SLC27A2: variants seen among roughly 807,000 people sequenced by gnomAD.
SLC27A2 encodes the protein long-chain fatty acid transport protein 2.
Under a neutral mutation model 60.0 loss-of-function variants are expected in SLC27A2, and 54 were observed. That is an observed-to-expected ratio of 0.90 (90% CI 0.72 to 1.13). The LOEUF (loss-of-function observed/expected upper bound fraction) is 1.13, where lower values mean the gene tolerates loss of function less well. Ranked by LOEUF, SLC27A2 falls within the 50% of genes most tolerant of loss-of-function variation. The pLI is 0.00. For synonymous variants in SLC27A2, 297 were observed against 297.6 expected, an observed-to-expected ratio of 1.00 and a Z score of 0.02; for missense variants, 739 against 777.6, an observed-to-expected ratio of 0.95 and a Z score of 0.59.
At position 50,202,649 on chromosome 15, in the gene SLC27A2, A is replaced by AGC; in HGVS notation, c.847+5_847+6dup. The AGC allele has an allele frequency of 6.2e-7, 1 of 1,610,928 alleles. No individual in the cohort carries two copies. The highest frequency in any genetic ancestry group is 8.5e-7 in the Non-Finnish European group (1 of 1,177,278). ...ATTCACGGATGTATTGTGGCTGGTA[A>AGC]GCTTTTTCTACAAAATGTTGGAGGC... On this transcript the variant is annotated splice_donor_region_variant and intron_variant, in intron 3 of 9. Transcript: ENST00000267842.
chr15:50,222,831 A>G (rs566548453), intron 4 of SLC27A2, 134 bp from the exon 5 acceptor site: 1 of 718,260 alleles, frequency 1.4e-6, no homozygotes, highest in South Asian at 2.4e-5. Context: ...AGGGGCATTT[A>G]TAACCAACAT....
intron 4 of SLC27A2, among the ~76,000 whole-genome samples, chr15:50,215,291 A>T (rs1257226607): frequency 6.6e-6 from 1 of 152,174 alleles, no homozygotes; most frequent in East Asian, 1.9e-4. Context: ...AAAACTACAA[A>T]ATGCTGCTGA....
At chr15:50,186,118 C>T (rs952487143) in intron 1 of SLC27A2, among the ~76,000 whole-genome samples, 37 of 151,948 alleles carry the variant, frequency 2.4e-4, no homozygotes, top group Non-Finnish European at 5.1e-4. Flanking sequence ...ATGGTGAGCA[C>T]CTGTGGTCCC....
At chr15:50,221,114 G>C (rs1247875423) in intron 4 of SLC27A2, among the ~76,000 whole-genome samples, 1 of 152,074 alleles carries the variant, frequency 6.6e-6, no homozygotes, top group Non-Finnish European at 1.5e-5. Context: ...GCTGAGGCAG[G>C]AGGATCGCTT....
intron 4 of SLC27A2, among the ~76,000 whole-genome samples, chr15:50,216,887 A>G (rs1235986729): frequency 6.8e-6 from 1 of 147,434 alleles, no homozygotes; most frequent in East Asian, 1.9e-4. Flanking sequence ...ATAAAAATAT[A>G]TATATTCCAA....
At chr15:50,211,965 G>T (rs1194124314) in intron 4 of SLC27A2, among the ~76,000 whole-genome samples, 1 of 151,316 alleles carries the variant, frequency 6.6e-6, no homozygotes, top group Non-Finnish European at 1.5e-5. Context: ...CAGCTACTCG[G>T]GAGGCTGAGG....
rs770389917 is a variant in SLC27A2, at chr15:50,202,653, T to G, written c.847+8T>G. On this transcript the variant is annotated splice_region_variant and intron_variant, in intron 3 of 9. Transcript: ENST00000267842. ...ACGGATGTATTGTGGCTGGTAAGCT[T>G]TTTCTACAAAATGTTGGAGGCGAGT... is the stretch of plus-strand genomic sequence containing the variant. 2 of 1,610,520 alleles carry G rather than the reference T, an allele frequency of 1.2e-6. No individual in the cohort carries two copies. The highest frequency in any genetic ancestry group is 8.5e-7 in the Non-Finnish European group (1 of 1,176,972).
intron 6 of SLC27A2, among the ~76,000 whole-genome samples, chr15:50,226,568 C>A (rs1376132821): frequency 6.6e-6 from 1 of 152,084 alleles, no homozygotes; most frequent in African/African-American, 2.4e-5. Context: ...CCTGTCCCTA[C>A]TGAAAATACA....
chr15:50,207,789 C>CA (rs535929329), intron 4 of SLC27A2, among the ~76,000 whole-genome samples: 6,635 of 75,348 alleles, frequency 0.088, 237 homozygotes, highest in African/African-American at 0.16. Context: ...GACCCTGTCT[C>CA]AAAAAAAAAA....
rs114702296 is a variant in SLC27A2, at chr15:50,211,574, C to G, written c.972+6211C>G. ...GCTAATATGAAAAGCCAAGGCTCATCAACATCCCCAAAAGATCACACTAGT... is the reference window on the plus strand; with the variant it reads ...GCTAATATGAAAAGCCAAGGCTCATGAACATCCCCAAAAGATCACACTAGT... On this transcript the variant is annotated intron_variant, in intron 4 of 9. Transcript: ENST00000267842. Among the ~76,000 whole-genome samples, 907 of 152,250 alleles carry G rather than the reference C, an allele frequency of 6.0e-3. 10 individuals carry two copies. The highest frequency in any genetic ancestry group is 0.021 in the African/African-American group (874 of 41,530).
At chr15:50,228,872 C>T (rs1057024950) in intron 7 of SLC27A2, 73 bp from the exon 8 acceptor site, 16 of 994,164 alleles carry the variant, frequency 1.6e-5, no homozygotes, top group Non-Finnish European at 2.4e-5. Flanking sequence ...CTAAAGGAAA[C>T]ACCAGCTCTC....
chr15:50,221,176 T>C (rs867183611), intron 4 of SLC27A2, among the ~76,000 whole-genome samples: 55 of 151,300 alleles, frequency 3.6e-4, no homozygotes, highest in African/African-American at 1.3e-3. Flanking sequence ...GCCTAGGCAA[T>C]GGAGCAAGAC....
chr15:50,215,561 A>G (rs1035392119), intron 4 of SLC27A2, among the ~76,000 whole-genome samples: 1 of 152,214 alleles, frequency 6.6e-6, no homozygotes, highest in African/African-American at 2.4e-5. Flanking sequence ...CCCACTTCAA[A>G]CTATACTATA....
At chr15:50,212,251 GA>G (rs1370069254) in intron 4 of SLC27A2, among the ~76,000 whole-genome samples, 2 of 151,966 alleles carry the variant, frequency 1.3e-5, no homozygotes, top group Non-Finnish European at 2.9e-5. Flanking sequence ...TAAAGACAAA[GA>G]AAAAATAATA....
chr15:50,205,341 G>T lies in SLC27A2; in HGVS notation c.950G>T (p.Arg317Leu), dbSNP rs554769451. The T allele has an allele frequency of 1.9e-6, 3 of 1,605,978 alleles. No homozygotes were observed. The highest frequency in any genetic ancestry group is 2.7e-5 in the African/African-American group (2 of 74,872). ...ATTCAGTATATCGGTGAACTGCTTCGGTATTTATGCAACTCACCACAGGTA... is the reference window on the plus strand; with the variant it reads ...ATTCAGTATATCGGTGAACTGCTTCTGTATTTATGCAACTCACCACAGGTA... ...TVIQYIGELL[R>L]YLCNSPQKPN... The change falls in exon 4 of 10, where the codon CGG (arginine) becomes CTG (leucine). Residue 317 changes from arginine (R) to leucine (L), a missense_variant. Coordinates refer to ENST00000267842, the MANE Select transcript of SLC27A2 (RefSeq NM_003645.4).
At chr15:50,191,802 G>A (rs2044975887) in intron 1 of SLC27A2, among the ~76,000 whole-genome samples, 1 of 152,198 alleles carries the variant, frequency 6.6e-6, no homozygotes, top group South Asian at 2.1e-4. Context: ...GCTCATGCCT[G>A]TAATCCCAAC....
chr15:50,198,049 A>G (rs548342331), intron 2 of SLC27A2, among the ~76,000 whole-genome samples: 31 of 152,250 alleles, frequency 2.0e-4, no homozygotes, highest in Non-Finnish European at 4.4e-4. Context: ...TCCAGAGTCC[A>G]TATAGACTGT....
In SLC27A2 at chr15:50,236,009, G is replaced by GTAT. The variant is rs1216129599; in HGVS notation, c.1778_1780dup (p.Tyr593dup). The GTAT allele has an allele frequency of 6.2e-7, 1 of 1,613,946 alleles. No homozygotes were observed. Among genetic ancestry groups the GTAT allele is most frequent in the East Asian group, 2.2e-5 (1 of 44,892 alleles). Reference sequence around the variant, plus strand: ...ACCCTGCTGTCATCAAAGATGCCTTGTATTTCTTGGATGACACAGCAAAAA... The same window carrying GTAT: ...ACCCTGCTGTCATCAAAGATGCCTTGTATTATTTCTTGGATGACACAGCAAAAA... On this transcript the variant is annotated inframe_insertion, in exon 10 of 10. Coordinates refer to ENST00000267842, the MANE Select transcript of SLC27A2 (RefSeq NM_003645.4).
At chr15:50,193,941 T>G (rs2044993891) in intron 1 of SLC27A2, among the ~76,000 whole-genome samples, 1 of 152,270 alleles carries the variant, frequency 6.6e-6, no homozygotes, top group Non-Finnish European at 1.5e-5. Flanking sequence ...GGAGGATCAC[T>G]TGAGCTCACA....
Sources: gnomAD v4.1 joint callset for allele counts (sites outside exome capture counted in the v4.1 genomes callset) on GRCh38, gnomAD v4.1.1 for gene constraint, MANE v1.5 for transcripts, NCBI Gene and HGNC (gene_info 2026-07-23, HGNC 2026-07-21) for gene names.